ELAPOR1: variants seen among roughly 807,000 people sequenced by gnomAD.
The protein encoded by ELAPOR1 is endosome-lysosome associated apoptosis and autophagy regulator 1.
In ELAPOR1, 77 loss-of-function variants were observed where a neutral mutation model predicts 119.7. That is an observed-to-expected ratio of 0.64 (90% CI 0.54 to 0.78). The LOEUF is 0.78. ELAPOR1 is among the 30% of genes least tolerant of loss of function. ELAPOR1 has a pLI of 0.00. For synonymous variants in ELAPOR1, 481 were observed against 487.2 expected, an observed-to-expected ratio of 0.99 and a Z score of 0.17; for missense variants, 1,115 against 1,270.4, an observed-to-expected ratio of 0.88 and a Z score of 1.86.
intron 1 of ELAPOR1, among the ~76,000 whole-genome samples, chr1:109,147,595 T>A (rs1447523753): frequency 6.6e-6 from 1 of 151,990 alleles, no homozygotes; most frequent in African/African-American, 2.4e-5. Flanking sequence ...TGAACTCTAA[T>A]GTAAGCCACG....
At chr1:109,153,668 C>G (rs1650676715) in intron 1 of ELAPOR1, among the ~76,000 whole-genome samples, 1 of 151,594 alleles carries the variant, frequency 6.6e-6, no homozygotes, top group African/African-American at 2.4e-5. Flanking sequence ...GAGACAGAGT[C>G]TCGCTCTGTT....
chr1:109,141,300 G>A (rs1388538878), intron 1 of ELAPOR1, among the ~76,000 whole-genome samples: 1 of 151,528 alleles, frequency 6.6e-6, no homozygotes, highest in East Asian at 1.9e-4. Context: ...TCACTCTGTT[G>A]CCCAGGCTGG....
chr1:109,194,822 C>T (rs1358597758), intron 15 of ELAPOR1, among the ~76,000 whole-genome samples: 1 of 152,200 alleles, frequency 6.6e-6, no homozygotes, highest in Non-Finnish European at 1.5e-5. Context: ...GTGTTCTTGC[C>T]GGGTGCCTGG....
chr1:109,170,439 A>C (rs1349705713), intron 3 of ELAPOR1, among the ~76,000 whole-genome samples: 2 of 152,200 alleles, frequency 1.3e-5, no homozygotes, highest in Non-Finnish European at 2.9e-5. Flanking sequence ...AGCTAAGGGC[A>C]CCCATAGCAG....
chr1:109,156,309 A>T (rs949300154), intron 1 of ELAPOR1, among the ~76,000 whole-genome samples: 3 of 152,214 alleles, frequency 2.0e-5, no homozygotes, highest in East Asian at 1.9e-4. Flanking sequence ...TATTTAAAAA[A>T]AAAATAAAAT....
At chr1:109,202,364 C>T (rs1296854647) in intron 21 of ELAPOR1, among the ~76,000 whole-genome samples, 4 of 151,968 alleles carry the variant, frequency 2.6e-5, no homozygotes, top group African/African-American at 7.2e-5. Flanking sequence ...AGGTGATCTG[C>T]CTGCTTTGGC....
chr1:109,191,399 T>A lies in ELAPOR1; in HGVS notation c.1473T>A (p.Asn491Lys), dbSNP rs1466924556. ...PPQSVMADTE[N>K]KEVARITFVF... is the part of the protein sequence containing the mutation. The stretch of plus-strand genomic sequence containing the variant: ...AGTCGGTGATGGCAGACACAGAGAA[T>A]AAAGAGGTGGCCAGAATCACATTTG... The change falls in exon 12 of 22, where the codon AAT becomes AAA. Residue 491 changes from asparagine to lysine, a missense_variant. By Grantham distance (94) the Asn-to-Lys change is moderately conservative. Transcript: ENST00000369939. The A allele has an allele frequency of 1.2e-6, 2 of 1,614,040 alleles. No individual in the cohort carries two copies. Among genetic ancestry groups the A allele is most frequent in the African/African-American group, 2.7e-5 (2 of 74,928 alleles).
intron 15 of ELAPOR1, among the ~76,000 whole-genome samples, chr1:109,195,899 G>A (rs1570726822): frequency 2.0e-5 from 3 of 152,258 alleles, no homozygotes; most frequent in South Asian, 2.1e-4. Flanking sequence ...GCTCACGCCT[G>A]TAATCCCAGC....
At chr1:109,144,061 A>ATATATATATATATATATATAT in intron 1 of ELAPOR1, among the ~76,000 whole-genome samples, 1 of 88,992 alleles carries the variant, frequency 1.1e-5, no homozygotes, top group African/African-American at 4.8e-5. Flanking sequence ...ATATTTATAT[A>ATATATATATATATATATATAT]TTTTTTTTTT....
At chr1:109,152,503 G>C (rs1438564135) in intron 1 of ELAPOR1, among the ~76,000 whole-genome samples, 4 of 152,186 alleles carry the variant, frequency 2.6e-5, no homozygotes, top group Non-Finnish European at 5.9e-5. Flanking sequence ...TGGGAGGTAG[G>C]GGAGGTAGGG....
At chr1:109,163,426 ACT>A (rs1458869525) in intron 2 of ELAPOR1, among the ~76,000 whole-genome samples, 9 of 152,262 alleles carry the variant, frequency 5.9e-5, no homozygotes, top group Admixed American at 1.3e-4. Context: ...ACAAGGTCTC[ACT>A]CTGTTTCCTA....
chr1:109,189,488 G>A (rs1452576753), intron 10 of ELAPOR1, 104 bp from the exon 11 acceptor site: 12 of 1,030,768 alleles, frequency 1.2e-5, no homozygotes, highest in Admixed American at 3.8e-5. Flanking sequence ...GGTTCTGGGC[G>A]CCTCAAAAGA....
intron 1 of ELAPOR1, among the ~76,000 whole-genome samples, chr1:109,132,795 G>A (rs1056800892): frequency 6.6e-5 from 10 of 152,166 alleles, no homozygotes; most frequent in Non-Finnish European, 1.3e-4. Context: ...GGTGGGAGAG[G>A]AAGGCAAGGA....
At chr1:109,133,648 TA>T (rs1649287897) in intron 1 of ELAPOR1, among the ~76,000 whole-genome samples, 1 of 152,252 alleles carries the variant, frequency 6.6e-6, no homozygotes, top group African/African-American at 2.4e-5. Flanking sequence ...AAGTGGAATC[TA>T]TCTTATTTTT....
At chr1:109,148,781 G>T (rs748390043) in intron 1 of ELAPOR1, among the ~76,000 whole-genome samples, 2 of 152,154 alleles carry the variant, frequency 1.3e-5, no homozygotes, top group Admixed American at 6.6e-5. Context: ...ACATTTAATA[G>T]AACATTTTGG....
At chr1:109,131,398 C>A (rs1649141030) in intron 1 of ELAPOR1, among the ~76,000 whole-genome samples, 2 of 152,188 alleles carry the variant, frequency 1.3e-5, no homozygotes, top group Non-Finnish European at 2.9e-5. Flanking sequence ...GGATGAAGCT[C>A]TAATTCCTGT....
chr1:109,181,987 G>T (rs1041714049), intron 7 of ELAPOR1, among the ~76,000 whole-genome samples: 1 of 152,148 alleles, frequency 6.6e-6, no homozygotes, highest in Non-Finnish European at 1.5e-5. Flanking sequence ...CTGAAAGGGA[G>T]GTAAAGAGAC....
intron 7 of ELAPOR1, among the ~76,000 whole-genome samples, chr1:109,178,291 G>A (rs1223298042): frequency 2.6e-5 from 4 of 152,080 alleles, no homozygotes; most frequent in South Asian, 2.1e-4. Flanking sequence ...GATTACAGGC[G>A]TGAGCCACTG....
intron 7 of ELAPOR1, among the ~76,000 whole-genome samples, chr1:109,183,914 T>C (rs371331376): frequency 3.9e-4 from 59 of 152,070 alleles, no homozygotes; most frequent in African/African-American, 1.4e-3. Context: ...ACATTTTTCA[T>C]TAGGTATAAA....
Sources: allele counts gnomAD v4.1 joint callset (sites outside exome capture counted in the v4.1 genomes callset), GRCh38; gene constraint gnomAD v4.1.1; transcripts MANE v1.5; gene names NCBI Gene and HGNC (gene_info 2026-07-23, HGNC 2026-07-21).